The following SLC13A3 variants were observed in gnomAD, a reference collection of about 807,000 sequenced individuals.
SLC13A3 encodes the protein solute carrier family 13 member 3, also known as Na(+)/dicarboxylate cotransporter 3.
Under a neutral mutation model 59.0 loss-of-function variants are expected in SLC13A3, and 40 were observed. That is an observed-to-expected ratio of 0.68 (90% CI 0.53 to 0.88). The LOEUF is 0.88. Among genes scored for constraint, SLC13A3 ranks in the 40% least tolerant of loss-of-function variants. The probability of loss-of-function intolerance (pLI) is 0.00; values close to 1 mark genes in which losing one functional copy is unlikely to be tolerated. For missense variants in SLC13A3, 699 were observed against 783.2 expected (o/e 0.89, Z 1.28); for synonymous variants, 317 against 330.3 (o/e 0.96, Z 0.44).
chr20:46,644,910 A>T (rs1188437208), intron 1 of SLC13A3, among the ~76,000 whole-genome samples: 1 of 152,188 alleles, frequency 6.6e-6, no homozygotes, highest in Admixed American at 6.5e-5. Context: ...TTTGCCATGT[A>T]TTCATCTTTT....
Position 46,563,475 on chromosome 20 carries a change from G to A in SLC13A3, c.1571C>T (p.Pro524Leu), listed in dbSNP as rs763705461. 1 of 1,614,116 alleles carries A rather than the reference G, an allele frequency of 6.2e-7. No individual in the cohort carries two copies. The highest frequency in any genetic ancestry group is 1.7e-5 in the Admixed American group (1 of 60,020). ...GATGGAGTTGGGGGGCGTTGAGACC[G>A]GGAGCATGAAGGCAAAGGAGCAGCC... Reference protein sequence around the residue: ...TVGCSFAFMLPVSTPPNSIAF... With the variant: ...TVGCSFAFMLLVSTPPNSIAF... Residue 524 changes from proline (P) to leucine (L), a missense_variant, in exon 12 of 13, where the codon CCG becomes CTG. Physicochemically the swap from Pro to Leu is moderately conservative, Grantham distance 98. Transcript: ENST00000279027.
chr20:46,624,999 ACT>A (rs2062653765), intron 1 of SLC13A3, among the ~76,000 whole-genome samples: 1 of 152,052 alleles, frequency 6.6e-6, no homozygotes, highest in African/African-American at 2.4e-5. Flanking sequence ...TAGTCTCCCG[ACT>A]CTGTAATGCT....
rs959500485 is a variant in SLC13A3, at chr20:46,667,342, AAGTCTGAGTGGAGGC to A, written c.-31+2686_-31+2700del. Among the ~76,000 whole-genome samples the A allele has an allele frequency of 3.3e-5, 5 of 152,264 alleles. No individual in the cohort carries two copies. In the East Asian group the frequency reaches 9.6e-4, roughly 29 times the overall value. ...CAAAGGAACTCTGGTCCATGCCCCA[AAGTCTGAGTGGAGGC>A]AGCTGGGACCAGGGCATATTTTACC... On this transcript the variant is annotated intron_variant, in intron 1 of 12. Coordinates refer to the SLC13A3 transcript ENST00000290317.
chr20:46,658,764 C>T (rs2063009907), intron 1 of SLC13A3, among the ~76,000 whole-genome samples: 1 of 152,146 alleles, frequency 6.6e-6, no homozygotes, highest in Non-Finnish European at 1.5e-5. Context: ...TTAAAGTCTC[C>T]AATTCAATTA....
chr20:46,632,906 T>TCTACCCACCC (rs1555881862), intron 1 of SLC13A3, among the ~76,000 whole-genome samples: 12 of 59,042 alleles, frequency 2.0e-4, no homozygotes, highest in East Asian at 1.4e-3. Context: ...GATAGATAGA[T>TCTACCCACCC]AGATATATCT....
chr20:46,643,718 G>A (rs955360718), intron 1 of SLC13A3, among the ~76,000 whole-genome samples: 1 of 152,210 alleles, frequency 6.6e-6, no homozygotes, highest in Non-Finnish European at 1.5e-5. Flanking sequence ...GAAGTTAGCT[G>A]TCAAGAGATT....
At chr20:46,564,032 G>A (rs571159005) in intron 11 of SLC13A3, among the ~76,000 whole-genome samples, 2 of 152,224 alleles carry the variant, frequency 1.3e-5, no homozygotes, top group Non-Finnish European at 2.9e-5. Flanking sequence ...TGGGATCCAA[G>A]AATCTGCATT....
At chr20:46,650,796 T>C (rs1451089201) in intron 1 of SLC13A3, among the ~76,000 whole-genome samples, 2 of 152,108 alleles carry the variant, frequency 1.3e-5, no homozygotes. Context: ...CTAGGCACAG[T>C]GGTTCACGTC....
In SLC13A3 at chr20:46,566,376, A is replaced by G; in HGVS notation, c.1347T>C (p.Ser449=). Residue 449 remains serine, a synonymous_variant, in exon 11 of 13, where the codon TCT becomes TCC. Coordinates refer to ENST00000279027, the MANE Select transcript of SLC13A3 (RefSeq NM_022829.6). Reference sequence around the variant, plus strand: ...GGTGCAGCTGCCCACCAATCCATACAGACAGCCCCGATTCCTGCGGAGGGA... The same window carrying G: ...GGTGCAGCTGCCCACCAATCCATACGGACAGCCCCGATTCCTGCGGAGGGA... The part of the protein sequence containing the change: ...MAKGCEESGL[S]VWIGGQLHPL... The G allele has an allele frequency of 1.2e-6, 2 of 1,612,810 alleles. No individual in the cohort carries two copies. The highest frequency in any genetic ancestry group is 1.7e-5 in the Admixed American group (1 of 59,930).
intron 5 of SLC13A3, among the ~76,000 whole-genome samples, chr20:46,593,712 C>T (rs85024): frequency 0.29 from 43,963 of 151,896 alleles, 8,768 homozygotes; most frequent in African/African-American, 0.56. Context: ...ATGATTAAAG[C>T]ATGTACACCC....
At chr20:46,632,906 T>TAGAC (rs147754429) in intron 1 of SLC13A3, among the ~76,000 whole-genome samples, 1,534 of 58,836 alleles carry the variant, frequency 0.026, 27 homozygotes, top group African/African-American at 0.051. Context: ...GATAGATAGA[T>TAGAC]AGATATATCT....
chr20:46,654,146 G>T (rs2122894954), upstream of SLC13A3, among the ~76,000 whole-genome samples: 1 of 152,240 alleles, frequency 6.6e-6, no homozygotes, highest in African/African-American at 2.4e-5. Flanking sequence ...CATCCTAATA[G>T]GTGTGAAGTG....
At chr20:46,639,665 C>T (rs538808661) in intron 1 of SLC13A3, among the ~76,000 whole-genome samples, 1 of 152,324 alleles carries the variant, frequency 6.6e-6, no homozygotes, top group South Asian at 2.1e-4. Context: ...CTTGATGTCC[C>T]ACCTTCCCCA....
At chr20:46,612,016 G>A (rs1179519600) in intron 2 of SLC13A3, among the ~76,000 whole-genome samples, 3 of 151,460 alleles carry the variant, frequency 2.0e-5, no homozygotes, top group Admixed American at 2.0e-4. Context: ...AGGTGTATGA[G>A]CAGTGCCTGA....
intron 3 of SLC13A3, chr20:46,608,845 G>T: frequency 6.5e-7 from 1 of 1,533,694 alleles, no homozygotes; most frequent in Non-Finnish European, 8.8e-7. Flanking sequence ...GGGCAGATCT[G>T]CCATCTATCT....
At chr20:46,613,395 T>G (rs1303640774) in intron 2 of SLC13A3, 65 bp downstream of exon 2, 2 of 1,404,354 alleles carry the variant, frequency 1.4e-6, no homozygotes, top group African/African-American at 2.9e-5. Context: ...AGAGCAGGTA[T>G]AGGCTCCAGA....
chr20:46,574,832 TC>T, intron 10 of SLC13A3, among the ~76,000 whole-genome samples: 1 of 60,218 alleles, frequency 1.7e-5, no homozygotes, highest in East Asian at 6.0e-4. Flanking sequence ...CATGTTTTTT[TC>T]TTTTTCTTTT....
chr20:46,608,697 C>A, intron 3 of SLC13A3: 1 of 669,398 alleles, frequency 1.5e-6, no homozygotes, highest in Non-Finnish European at 2.4e-6. Context: ...TTAGATGGTA[C>A]ACGGATCAAC....
chr20:46,614,216 C>T (rs2062532767), intron 1 of SLC13A3, among the ~76,000 whole-genome samples: 1 of 152,022 alleles, frequency 6.6e-6, no homozygotes, highest in Non-Finnish European at 1.5e-5. Context: ...AGTGTATGTC[C>T]CATGAGAAGG....
Sources: gnomAD v4.1 joint callset for allele counts (sites outside exome capture counted in the v4.1 genomes callset) on GRCh38, gnomAD v4.1.1 for gene constraint, MANE v1.5 for transcripts, NCBI Gene and HGNC (gene_info 2026-07-23, HGNC 2026-07-21) for gene names.